GRM7: variants seen among roughly 807,000 people sequenced by gnomAD.
The protein encoded by GRM7 is glutamate metabotropic receptor 7, also known as metabotropic glutamate receptor 7.
Under a neutral mutation model 84.5 loss-of-function variants are expected in GRM7, and 35 were observed. The ratio of observed to expected loss-of-function variants is 0.41; its 90% CI spans 0.32 to 0.55. The LOEUF is 0.55. GRM7 is among the 20% of genes least tolerant of loss of function. The pLI is 0.19. For missense variants in GRM7, 1,003 were observed against 1,194.6 expected (o/e 0.84, Z 2.36); for synonymous variants, 487 against 455.1 (o/e 1.07, Z -0.89).
chr3:7,411,618 C>T (rs1054484639), intron 4 of GRM7, among the ~76,000 whole-genome samples: 6 of 152,024 alleles, frequency 3.9e-5, no homozygotes, highest in African/African-American at 9.7e-5. Flanking sequence ...TAAATGATAC[C>T]GAATGCATTC....
At chr3:7,350,228 C>T (rs1453265535) in intron 4 of GRM7, among the ~76,000 whole-genome samples, 1 of 152,018 alleles carries the variant, frequency 6.6e-6, no homozygotes, top group African/African-American at 2.4e-5. Flanking sequence ...AGTTTTTGAG[C>T]TTGTTAATTG....
chr3:6,966,634 A>G (rs1693531620), intron 1 of GRM7, among the ~76,000 whole-genome samples: 1 of 152,230 alleles, frequency 6.6e-6, no homozygotes. Flanking sequence ...CCTATGTTTA[A>G]TGTATATGAT....
intron 1 of GRM7, among the ~76,000 whole-genome samples, chr3:6,981,523 C>G (rs1694199015): frequency 6.6e-6 from 1 of 152,156 alleles, no homozygotes; most frequent in Non-Finnish European, 1.5e-5. Context: ...GAGCACAAGA[C>G]TTGTAATGCA....
At chr3:7,345,288 T>G (rs1172156219) in intron 4 of GRM7, among the ~76,000 whole-genome samples, 1 of 151,374 alleles carries the variant, frequency 6.6e-6, no homozygotes, top group East Asian at 1.9e-4. Context: ...TTTTTTTTTT[T>G]CTTTGAGACA....
chr3:7,087,091 T>C (rs924618560), intron 1 of GRM7, among the ~76,000 whole-genome samples: 1 of 152,148 alleles, frequency 6.6e-6, no homozygotes, highest in East Asian at 1.9e-4. Context: ...AAACTCTCAC[T>C]TTTTTTAGGG....
rs1905758 is a variant in GRM7 at position 7,562,532 on chromosome 3, A to G, written c.1516-15890A>G. Reference sequence around the variant, plus strand: ...GCGTTTGCAACCCAGTTCATGTTCTATAAGTTTTGCAATGACCCTACGAGT... The same window carrying G: ...GCGTTTGCAACCCAGTTCATGTTCTGTAAGTTTTGCAATGACCCTACGAGT... On this transcript the variant is annotated intron_variant, in intron 7 of 9. Transcript: ENST00000357716. Among the ~76,000 whole-genome samples the G allele has an allele frequency of 1.4e-3, 219 of 152,212 alleles. 1 individual carries two copies. The highest frequency in any genetic ancestry group is 4.7e-3 in the African/African-American group (196 of 41,564).
At chr3:7,226,057 T>C (rs748939743) in intron 2 of GRM7, among the ~76,000 whole-genome samples, 1 of 152,354 alleles carries the variant, frequency 6.6e-6, no homozygotes, top group South Asian at 2.1e-4. Context: ...TCACTTATTT[T>C]AGTTAATTAA....
intron 1 of GRM7, among the ~76,000 whole-genome samples, chr3:7,079,845 A>C (rs377447167): frequency 1.3e-5 from 2 of 152,246 alleles, no homozygotes; most frequent in African/African-American, 4.8e-5. Context: ...TGTGAATCCC[A>C]GGTGGTCATG....
At chr3:7,103,380 T>C (rs919219864) in intron 1 of GRM7, among the ~76,000 whole-genome samples, 1 of 151,774 alleles carries the variant, frequency 6.6e-6, no homozygotes. Flanking sequence ...TCTTTGATAG[T>C]GGGCAGAAGC....
intron 2 of GRM7, among the ~76,000 whole-genome samples, chr3:7,267,345 C>T (rs1046919375): frequency 4.6e-5 from 7 of 152,152 alleles, no homozygotes; most frequent in Admixed American, 3.3e-4. Flanking sequence ...AAGCATTTTT[C>T]CTAGTGAAAT....
chr3:6,893,223 T>C (rs946771266), intron 1 of GRM7, among the ~76,000 whole-genome samples: 2 of 152,180 alleles, frequency 1.3e-5, no homozygotes, highest in African/African-American at 4.8e-5. Context: ...GCCTGAATTA[T>C]ATTGTGTGAG....
chr3:7,408,920 A>G (rs1329418022), intron 4 of GRM7, among the ~76,000 whole-genome samples: 1 of 152,202 alleles, frequency 6.6e-6, no homozygotes, highest in Non-Finnish European at 1.5e-5. Context: ...CATTTTCCAA[A>G]TATCCAACTG....
chr3:6,941,344 T>C (rs1397547164), intron 1 of GRM7, among the ~76,000 whole-genome samples: 1 of 152,212 alleles, frequency 6.6e-6, no homozygotes, highest in African/African-American at 2.4e-5. Context: ...GAACCTGAAG[T>C]CTTTGGGAGC....
chr3:7,230,709 C>T (rs565732249), intron 2 of GRM7, among the ~76,000 whole-genome samples: 3 of 152,052 alleles, frequency 2.0e-5, no homozygotes, highest in East Asian at 1.9e-4. Context: ...TTGTGAGGAG[C>T]GTTTGTGAAT....
At chr3:7,687,980 T>C (rs1700649832) in intron 9 of GRM7, among the ~76,000 whole-genome samples, 1 of 152,166 alleles carries the variant, frequency 6.6e-6, no homozygotes, top group Admixed American at 6.6e-5. Flanking sequence ...AATATGTAAC[T>C]GTATTCCCGT....
At chr3:7,155,775 C>T (rs984085904) in intron 2 of GRM7, among the ~76,000 whole-genome samples, 1 of 152,074 alleles carries the variant, frequency 6.6e-6, no homozygotes, top group Non-Finnish European at 1.5e-5. Flanking sequence ...CTCAGTCAAG[C>T]TGAAGGGGAG....
intron 4 of GRM7, among the ~76,000 whole-genome samples, chr3:7,354,305 T>G (rs928661495): frequency 1.3e-5 from 2 of 152,094 alleles, no homozygotes; most frequent in African/African-American, 4.8e-5. Context: ...CTCTAATTAG[T>G]GTAGAGCTTA....
At chr3:7,282,007 C>T (rs997616914) in intron 2 of GRM7, among the ~76,000 whole-genome samples, 2 of 152,100 alleles carry the variant, frequency 1.3e-5, no homozygotes, top group Non-Finnish European at 2.9e-5. Context: ...TGCTTGAACC[C>T]AAGAGACGGA....
At chr3:6,938,688 T>C (rs1038292275) in intron 1 of GRM7, among the ~76,000 whole-genome samples, 17 of 152,164 alleles carry the variant, frequency 1.1e-4, no homozygotes, top group Non-Finnish European at 7.4e-5. Context: ...CATTTCTTAA[T>C]TGGAATTTTG....
Sources: gnomAD v4.1 joint callset for allele counts (sites outside exome capture counted in the v4.1 genomes callset) on GRCh38, gnomAD v4.1.1 for gene constraint, MANE v1.5 for transcripts, NCBI Gene and HGNC (gene_info 2026-07-23, HGNC 2026-07-21) for gene names.